CACNA1E: variants seen among roughly 807,000 people sequenced by gnomAD.
CACNA1E encodes the protein voltage-dependent R-type calcium channel subunit alpha-1E.
A neutral mutation model predicts 259.2 loss-of-function variants in CACNA1E; 40 were observed. The ratio of observed to expected loss-of-function variants is 0.15; its 90% CI spans 0.12 to 0.20. The LOEUF (loss-of-function observed/expected upper bound fraction) is 0.20, where lower values mean the gene tolerates loss of function less well. Among genes scored for constraint, CACNA1E ranks in the 10% least tolerant of loss-of-function variants. The pLI, the probability that CACNA1E is intolerant of heterozygous loss-of-function variation, is 1.00. For synonymous variants in CACNA1E, 1,104 were observed against 1,138.5 expected (o/e 0.97, Z 0.61); for missense variants, 1,874 against 3,040.1 (o/e 0.62, Z 9.02).
intron 1 of CACNA1E, among the ~76,000 whole-genome samples, chr1:181,372,275 A>T (rs1476116520): frequency 6.6e-6 from 1 of 152,074 alleles, no homozygotes; most frequent in Admixed American, 6.6e-5. Flanking sequence ...GATTTCTTTC[A>T]GCAGTGTTGT....
chr1:181,451,677 A>G (rs1306932416), intron 2 of CACNA1E, among the ~76,000 whole-genome samples: 1 of 146,884 alleles, frequency 6.8e-6, no homozygotes, highest in Non-Finnish European at 1.5e-5. Context: ...AGCGAAACTC[A>G]GTCTCAAAAA....
At chr1:181,538,611 C>G (rs1281459680) in intron 3 of CACNA1E, among the ~76,000 whole-genome samples, 2 of 152,080 alleles carry the variant, frequency 1.3e-5, no homozygotes, top group Non-Finnish European at 2.9e-5. Context: ...CGCACTAATG[C>G]TCTGTTGAAT....
intron 10 of CACNA1E, 103 bp downstream of exon 10, chr1:181,716,232 C>G: frequency 1.6e-6 from 1 of 630,256 alleles, no homozygotes; most frequent in Non-Finnish European, 2.7e-6. Context: ...TCCAAAGGGT[C>G]CAGAATTTAG....
chr1:181,723,884 C>T (rs1463448695), intron 16 of CACNA1E, among the ~76,000 whole-genome samples: 1 of 152,218 alleles, frequency 6.6e-6, no homozygotes, highest in East Asian at 1.9e-4. Context: ...GTTCAGCTAT[C>T]CAGAAGCTCT....
chr1:181,357,989 T>C (rs1653581562), intron 1 of CACNA1E, among the ~76,000 whole-genome samples: 1 of 152,180 alleles, frequency 6.6e-6, no homozygotes, highest in African/African-American at 2.4e-5. Context: ...GTGAGAGATT[T>C]GCTGGTGGAG....
At chr1:181,561,777 T>C (rs112403042) in intron 3 of CACNA1E, among the ~76,000 whole-genome samples, 2,437 of 152,340 alleles carry the variant, frequency 0.016, 57 homozygotes, top group African/African-American at 0.053. Flanking sequence ...GGTAAGTATA[T>C]GTATAACTCT....
rs567692074 is a variant in CACNA1E at position 181,533,703 on chromosome 1, C to G, written c.512+22193C>G. Among the ~76,000 whole-genome samples, 12 of 152,108 alleles carry G rather than the reference C, an allele frequency of 7.9e-5. 1 individual carries two copies. In the South Asian group the frequency reaches 2.5e-3, roughly 32 times the overall value. On this transcript the variant is annotated intron_variant, in intron 3 of 47. Coordinates refer to ENST00000367573, the MANE Select transcript of CACNA1E (RefSeq NM_001205293.3). ...AACATTTTCACAATGTTGAATCTTA[C>G]CAATATTTCTCCACTTATTTGGGAT...
intron 6 of CACNA1E, among the ~76,000 whole-genome samples, chr1:181,628,445 C>T (rs894576014): frequency 6.6e-6 from 1 of 152,192 alleles, no homozygotes; most frequent in African/African-American, 2.4e-5. Flanking sequence ...AAATATATCA[C>T]TTCTGGAAGA....
chr1:181,785,909 G>A (rs1660812189), intron 43 of CACNA1E, 90 bp downstream of exon 43: 3 of 779,856 alleles, frequency 3.8e-6, no homozygotes, highest in Middle Eastern at 2.4e-4. Flanking sequence ...GCTCAGAAGG[G>A]CCCAAGAACA....
At chr1:181,689,989 G>A (rs750337149) in intron 7 of CACNA1E, among the ~76,000 whole-genome samples, 7 of 151,944 alleles carry the variant, frequency 4.6e-5, no homozygotes, top group Non-Finnish European at 2.9e-5. Context: ...ATTAGATCAC[G>A]TTGGTCAATT....
intron 3 of CACNA1E, among the ~76,000 whole-genome samples, chr1:181,565,683 T>C (rs2102909563): frequency 6.6e-6 from 1 of 152,326 alleles, no homozygotes; most frequent in Middle Eastern, 3.4e-3. Flanking sequence ...GTAAAAACAA[T>C]AGGTGTACAT....
At chr1:181,787,976 A>G (rs559917079) in intron 43 of CACNA1E, among the ~76,000 whole-genome samples, 1 of 152,334 alleles carries the variant, frequency 6.6e-6, no homozygotes, top group East Asian at 1.9e-4. Flanking sequence ...ATGGGGTTTT[A>G]TGCATCAGAA....
chr1:181,721,768 G>T lies in CACNA1E; in HGVS notation c.1967G>T (p.Gly656Val). 6.2e-7 allele frequency: 1 copy of T among 1,610,492 alleles called. No homozygotes were observed. Among genetic ancestry groups the T allele is most frequent in the Non-Finnish European group, 8.5e-7 (1 of 1,176,846 alleles). ...AIMTVFQILT[G>V]EDWNEVMYNG... The stretch of plus-strand genomic sequence containing the variant: ...ATTTGCTTTTTGTAGATCCTGACGG[G>T]TGAGGACTGGAATGAGGTGATGTAC... The change falls in exon 16 of 48, where the codon GGT becomes GTT. Residue 656 changes from glycine (G) to valine (V), a missense_variant. This residue lies in a region of CACNA1E where 102 missense variants were observed against 279.4 expected (regional missense o/e 0.37). Coordinates refer to ENST00000367573, the MANE Select transcript of CACNA1E (RefSeq NM_001205293.3).
At chr1:181,785,606 C>G in intron 42 of CACNA1E, 107 bp from the exon 43 acceptor site, 1 of 929,670 alleles carries the variant, frequency 1.1e-6, no homozygotes, top group Non-Finnish European at 1.8e-6. Context: ...AATGGTCAAA[C>G]AAGGGATAAG....
intron 6 of CACNA1E, among the ~76,000 whole-genome samples, chr1:181,647,572 C>T (rs1023927497): frequency 6.6e-5 from 10 of 152,198 alleles, no homozygotes; most frequent in African/African-American, 1.9e-4. Context: ...TTCCACTTCA[C>T]GTGCTTTCTG....
At chr1:181,547,237 A>C (rs1389922439) in intron 3 of CACNA1E, among the ~76,000 whole-genome samples, 3 of 150,346 alleles carry the variant, frequency 2.0e-5, no homozygotes. Flanking sequence ...CCTGCCCCCG[A>C]CTCTGGCCAC....
intron 1 of CACNA1E, among the ~76,000 whole-genome samples, chr1:181,358,557 C>G (rs1475879285): frequency 6.6e-6 from 1 of 152,088 alleles, no homozygotes; most frequent in East Asian, 1.9e-4. Context: ...GGCTGGTGTT[C>G]TGATAAACTG....
chr1:181,355,325 T>C (rs909004602), intron 1 of CACNA1E, among the ~76,000 whole-genome samples: 18 of 152,182 alleles, frequency 1.2e-4, no homozygotes, highest in African/African-American at 4.1e-4. Flanking sequence ...TGGTGGCTCA[T>C]GTCTGTAATC....
intron 1 of CACNA1E, among the ~76,000 whole-genome samples, chr1:181,345,393 T>G (rs947714208): frequency 6.6e-6 from 1 of 152,228 alleles, no homozygotes. Context: ...ATGGAATTGC[T>G]GCATTTCTTC....
Sources: allele counts gnomAD v4.1 joint callset (sites outside exome capture counted in the v4.1 genomes callset), GRCh38; gene constraint gnomAD v4.1.1; regional missense constraint gnomAD v4.1.1; transcripts MANE v1.5; gene names NCBI Gene and HGNC (gene_info 2026-07-23, HGNC 2026-07-21).